SOX5: variants seen among roughly 807,000 people sequenced by gnomAD.
The protein encoded by SOX5 is SRY-box transcription factor 5.
In SOX5, 9 loss-of-function variants were observed where a neutral mutation model predicts 92.0. The observed-to-expected ratio is 0.10, with a 90% confidence interval of 0.06 to 0.17. The LOEUF (loss-of-function observed/expected upper bound fraction) is 0.17, where lower values mean the gene tolerates loss of function less well. SOX5 is among the 10% of genes least tolerant of loss of function. The pLI, the probability that SOX5 is intolerant of heterozygous loss-of-function variation, is 1.00. For synonymous variants in SOX5, 344 were observed against 336.3 expected (o/e 1.02, Z -0.25); for missense variants, 642 against 944.5 (o/e 0.68, Z 4.20).
intron 10 of SOX5, among the ~76,000 whole-genome samples, chr12:23,573,056 GGAA>G (rs558842853): frequency 6.6e-6 from 1 of 152,052 alleles, no homozygotes; most frequent in Non-Finnish European, 1.5e-5. Context: ...TTCAGTCTCA[GGAA>G]GAAGAAAAGT....
At chr12:24,079,243 A>G (rs773140438) in intron 4 of SOX5, among the ~76,000 whole-genome samples, 15 of 151,952 alleles carry the variant, frequency 9.9e-5, no homozygotes, top group Non-Finnish European at 1.9e-4. Flanking sequence ...CATTTTAAAG[A>G]TAAAGTAAAC....
At chr12:23,756,768 TG>T (rs1567515011) in intron 3 of SOX5, among the ~76,000 whole-genome samples, 1 of 151,952 alleles carries the variant, frequency 6.6e-6, no homozygotes, top group Non-Finnish European at 1.5e-5. Context: ...TTCAGGCATT[TG>T]TTTACTCCCT....
intron 4 of SOX5, among the ~76,000 whole-genome samples, chr12:24,184,919 A>G (rs1955862498): frequency 6.6e-6 from 1 of 152,122 alleles, no homozygotes; most frequent in Non-Finnish European, 1.5e-5. Context: ...GTTTCTGGAA[A>G]TCTTAAAAAA....
Position 24,063,819 on chromosome 12 carries a change from C to G in SOX5, c.-2+149524G>C, listed in dbSNP as rs149331170. Among the ~76,000 whole-genome samples, 3 of 152,268 alleles carry G rather than the reference C, an allele frequency of 2.0e-5. No homozygotes were observed. The South Asian group carries it at 6.2e-4, about 32-fold the overall frequency. ...AGCTCTGCCACATACTTGCTCTGTACGTTTAGCCTACTTAATCATTAATAT... is the reference window on the plus strand; with the variant it reads ...AGCTCTGCCACATACTTGCTCTGTAGGTTTAGCCTACTTAATCATTAATAT... On this transcript the variant is annotated intron_variant, in intron 4 of 4. Transcript: ENST00000446891.
intron 4 of SOX5, among the ~76,000 whole-genome samples, chr12:24,035,220 T>G (rs1220668869): frequency 6.6e-6 from 1 of 152,108 alleles, no homozygotes; most frequent in Non-Finnish European, 1.5e-5. Flanking sequence ...GCCTTACGAT[T>G]TTAATGGCAT....
At chr12:24,321,275 GTGCAC>G (rs1565900354) in intron 2 of SOX5, among the ~76,000 whole-genome samples, 3 of 152,136 alleles carry the variant, frequency 2.0e-5, no homozygotes, top group African/African-American at 7.2e-5. Flanking sequence ...ATAACATTCT[GTGCAC>G]TTAAGATATT....
At chr12:23,586,096 T>C (rs963134874) in intron 9 of SOX5, among the ~76,000 whole-genome samples, 5 of 152,044 alleles carry the variant, frequency 3.3e-5, no homozygotes, top group Non-Finnish European at 7.4e-5. Context: ...TCTCTCTCCC[T>C]CCTTTCTTTT....
At chr12:23,955,543 G>A (rs892808691), upstream of SOX5, among the ~76,000 whole-genome samples, 2 of 152,164 alleles carry the variant, frequency 1.3e-5, no homozygotes, top group Non-Finnish European at 1.5e-5. Flanking sequence ...CTTATAGAAA[G>A]AATCGATTAT....
At chr12:23,730,724 C>T (rs1235805814) in intron 6 of SOX5, among the ~76,000 whole-genome samples, 1 of 152,128 alleles carries the variant, frequency 6.6e-6, no homozygotes, top group Admixed American at 6.6e-5. Context: ...AAAACCCGTT[C>T]ACTTGCAGAT....
At chr12:23,862,322 T>C (rs1258046187) in intron 2 of SOX5, among the ~76,000 whole-genome samples, 1 of 152,172 alleles carries the variant, frequency 6.6e-6, no homozygotes, top group Admixed American at 6.5e-5. Context: ...GAAAATTGCA[T>C]GAGCAATAAT....
intron 10 of SOX5, among the ~76,000 whole-genome samples, chr12:23,571,159 T>C (rs1307447879): frequency 1.3e-5 from 2 of 148,790 alleles, no homozygotes; most frequent in African/African-American, 4.9e-5. Context: ...TCTCAAATAA[T>C]AATAATAATA....
intron 4 of SOX5, among the ~76,000 whole-genome samples, chr12:24,029,461 G>C (rs570926440): frequency 1.3e-5 from 2 of 151,760 alleles, no homozygotes; most frequent in South Asian, 4.2e-4. Context: ...TTTTTGTACA[G>C]ATGAGACCTC....
chr12:24,207,739 T>C (rs1023116210), intron 4 of SOX5, among the ~76,000 whole-genome samples: 2 of 152,204 alleles, frequency 1.3e-5, no homozygotes, highest in Admixed American at 6.5e-5. Flanking sequence ...AAATTCTACA[T>C]GGCATTCAGC....
chr12:23,883,746 G>T (rs1192329502), intron 2 of SOX5, among the ~76,000 whole-genome samples: 1 of 152,178 alleles, frequency 6.6e-6, no homozygotes, highest in Non-Finnish European at 1.5e-5. Context: ...TGTGGTTTTT[G>T]ACTTTACTGA....
chr12:24,286,681 G>A (rs990855380), intron 2 of SOX5, among the ~76,000 whole-genome samples: 1 of 152,148 alleles, frequency 6.6e-6, no homozygotes, highest in African/African-American at 2.4e-5. Flanking sequence ...GGGATTACAG[G>A]TGAGAGCCAC....
chr12:23,988,975 C>A (rs1272931193), intron 4 of SOX5, among the ~76,000 whole-genome samples: 1 of 151,918 alleles, frequency 6.6e-6, no homozygotes, highest in Non-Finnish European at 1.5e-5. Flanking sequence ...GATGTGCCAG[C>A]CTTAAAGGAA....
intron 3 of SOX5, among the ~76,000 whole-genome samples, chr12:24,252,066 T>C (rs942209925): frequency 6.6e-6 from 1 of 152,142 alleles, no homozygotes; most frequent in African/African-American, 2.4e-5. Flanking sequence ...TTGCCAACAT[T>C]ACCAAATGAA....
intron 9 of SOX5, among the ~76,000 whole-genome samples, chr12:23,581,578 A>G (rs1000010432): frequency 2.0e-5 from 3 of 152,064 alleles, no homozygotes; most frequent in African/African-American, 7.2e-5. Flanking sequence ...CATTTATCCA[A>G]TCATCCATAC....
At chr12:24,361,649 G>A (rs573751061) in intron 2 of SOX5, among the ~76,000 whole-genome samples, 23 of 151,758 alleles carry the variant, frequency 1.5e-4, no homozygotes, top group Non-Finnish European at 2.9e-4. Context: ...GTGTGTGTGC[G>A]CATGCACGTG....
Sources: allele counts gnomAD v4.1 joint callset (sites outside exome capture counted in the v4.1 genomes callset), GRCh38; gene constraint gnomAD v4.1.1; transcripts MANE v1.5; gene names NCBI Gene and HGNC (gene_info 2026-07-23, HGNC 2026-07-21).